The following PDZRN4 variants were observed in gnomAD, a reference collection of about 807,000 sequenced individuals.
PDZRN4 encodes PDZ domain-containing RING finger protein 4.
Under a neutral mutation model 99.0 loss-of-function variants are expected in PDZRN4, and 70 were observed. The ratio of observed to expected loss-of-function variants is 0.71; its 90% CI spans 0.58 to 0.86. PDZRN4 has a LOEUF of 0.86. Among genes scored for constraint, PDZRN4 ranks in the 40% least tolerant of loss-of-function variants. The probability of loss-of-function intolerance (pLI) is 0.00; values close to 1 mark genes in which losing one functional copy is unlikely to be tolerated. For synonymous variants in PDZRN4, 551 were observed against 501.6 expected, an observed-to-expected ratio of 1.10 and a Z score of -1.32; for missense variants, 1,474 against 1,331.2, an observed-to-expected ratio of 1.11 and a Z score of -1.67.
At chr12:41,353,328 C>T (rs934124835) in intron 3 of PDZRN4, among the ~76,000 whole-genome samples, 3 of 151,956 alleles carry the variant, frequency 2.0e-5, no homozygotes, top group Non-Finnish European at 2.9e-5. Flanking sequence ...TTCTGTTTTT[C>T]CTGTCATCTG....
intron 3 of PDZRN4, among the ~76,000 whole-genome samples, chr12:41,263,185 AC>A (rs1265310828): frequency 6.6e-6 from 1 of 152,084 alleles, no homozygotes; most frequent in African/African-American, 2.4e-5. Flanking sequence ...TCATGCTGAT[AC>A]CTTTTTTTGG....
chr12:41,292,493 G>A (rs190378558), intron 3 of PDZRN4, among the ~76,000 whole-genome samples: 431 of 152,220 alleles, frequency 2.8e-3, no homozygotes, highest in Non-Finnish European at 3.9e-3. Context: ...TACCATTTGA[G>A]GTTTTTTCTT....
At chr12:41,201,710 C>T (rs553409161) in intron 3 of PDZRN4, among the ~76,000 whole-genome samples, 28 of 152,128 alleles carry the variant, frequency 1.8e-4, no homozygotes, top group African/African-American at 6.5e-4. Context: ...CTGTAACATC[C>T]GATTCCTTCT....
At chr12:41,267,554 G>C (rs923004750) in intron 3 of PDZRN4, among the ~76,000 whole-genome samples, 2 of 152,078 alleles carry the variant, frequency 1.3e-5, no homozygotes, top group African/African-American at 4.8e-5. Flanking sequence ...AAAGGGCCAG[G>C]TGCAGTGGAT....
intron 7 of PDZRN4, among the ~76,000 whole-genome samples, chr12:41,561,557 G>T (rs1008802220): frequency 7.0e-6 from 1 of 142,408 alleles, no homozygotes; most frequent in African/African-American, 2.7e-5. Context: ...GAAGAATGAG[G>T]AAATATATAT....
chr12:41,519,790 A>G (rs1324514945), intron 5 of PDZRN4, among the ~76,000 whole-genome samples: 1 of 152,040 alleles, frequency 6.6e-6, no homozygotes, highest in Non-Finnish European at 1.5e-5. Context: ...GTTTCCCCAC[A>G]CCCACTTTCA....
intron 3 of PDZRN4, among the ~76,000 whole-genome samples, chr12:41,256,626 C>T (rs1362517252): frequency 1.3e-5 from 2 of 152,168 alleles, no homozygotes; most frequent in Non-Finnish European, 1.5e-5. Flanking sequence ...ACAAGATACT[C>T]ACTTTATATA....
At chr12:41,484,593 G>A (rs1020433729) in intron 3 of PDZRN4, among the ~76,000 whole-genome samples, 21 of 152,128 alleles carry the variant, frequency 1.4e-4, no homozygotes, top group South Asian at 4.1e-4. Context: ...TGAATAGTAC[G>A]TGCTTTATTA....
At chr12:41,560,179 A>T (rs1214768070) in intron 7 of PDZRN4, among the ~76,000 whole-genome samples, 1 of 152,122 alleles carries the variant, frequency 6.6e-6, no homozygotes, top group Non-Finnish European at 1.5e-5. Context: ...CTCCATACTA[A>T]AATATAAACA....
intron 3 of PDZRN4, among the ~76,000 whole-genome samples, chr12:41,248,378 A>G (rs2120802278): frequency 6.6e-6 from 1 of 152,324 alleles, no homozygotes. Flanking sequence ...GGTTTTACGA[A>G]TTACACATGA....
chr12:41,325,446 T>C (rs73124806), intron 3 of PDZRN4, among the ~76,000 whole-genome samples: 41 of 152,270 alleles, frequency 2.7e-4, no homozygotes, highest in Non-Finnish European at 4.4e-4. Context: ...AGTATAATAA[T>C]CAATTTTAAA....
intron 3 of PDZRN4, among the ~76,000 whole-genome samples, chr12:41,222,430 A>G (rs1306318047): frequency 6.6e-6 from 1 of 152,176 alleles, no homozygotes; most frequent in Non-Finnish European, 1.5e-5. Flanking sequence ...CACAGAAATG[A>G]GAAAACTCAT....
Position 41,542,899 on chromosome 12 carries a change from C to T in PDZRN4, c.1204-9757C>T, listed in dbSNP as rs1185269199. Reference sequence around the variant, plus strand: ...TTGCTTGGGTTAAATACCAGAAAATCAAGTTCTTGCTTTCTCTCAATCATC... The same window carrying T: ...TTGCTTGGGTTAAATACCAGAAAATTAAGTTCTTGCTTTCTCTCAATCATC... On this transcript the variant is annotated intron_variant, in intron 5 of 9. Coordinates refer to ENST00000402685, the MANE Select transcript of PDZRN4 (RefSeq NM_001164595.2). 1.3e-5 allele frequency among the ~76,000 whole-genome samples: 2 copies of T among 151,936 alleles called. 1 individual carries two copies. Among genetic ancestry groups the T allele is most frequent in the Non-Finnish European group, 2.9e-5 (2 of 67,990 alleles).
At chr12:41,431,303 A>T (rs529683764) in intron 3 of PDZRN4, among the ~76,000 whole-genome samples, 14 of 152,338 alleles carry the variant, frequency 9.2e-5, no homozygotes, top group African/African-American at 3.4e-4. Flanking sequence ...CTCTTGCAAT[A>T]ATTGTATAGT....
At chr12:41,252,114 T>TTAAATAAATAAA (rs111411007) in intron 3 of PDZRN4, among the ~76,000 whole-genome samples, 6 of 149,198 alleles carry the variant, frequency 4.0e-5, no homozygotes, top group South Asian at 2.1e-4. Flanking sequence ...AGACCCTGTT[T>TTAAATAAATAAA]TAAATAAATA....
At chr12:41,368,523 C>T (rs1952018453) in intron 3 of PDZRN4, among the ~76,000 whole-genome samples, 1 of 152,036 alleles carries the variant, frequency 6.6e-6, no homozygotes. Flanking sequence ...CATACACACA[C>T]ACTTCAAACA....
chr12:41,299,549 A>G (rs540324204), intron 3 of PDZRN4, among the ~76,000 whole-genome samples: 1 of 152,186 alleles, frequency 6.6e-6, no homozygotes, highest in African/African-American at 2.4e-5. Flanking sequence ...TGACACCCTT[A>G]TAATATTTAT....
At chr12:41,334,640 C>T (rs1192161057) in intron 3 of PDZRN4, among the ~76,000 whole-genome samples, 1 of 152,144 alleles carries the variant, frequency 6.6e-6, no homozygotes, top group African/African-American at 2.4e-5. Context: ...TTCTGTCACT[C>T]ACAGTGGGGA....
intron 3 of PDZRN4, among the ~76,000 whole-genome samples, chr12:41,466,512 C>T (rs539317509): frequency 2.0e-4 from 30 of 152,276 alleles, no homozygotes; most frequent in Non-Finnish European, 3.5e-4. Flanking sequence ...CTGCCTCTGT[C>T]GGAGACGTTA....
Sources: gnomAD v4.1 joint callset for allele counts (sites outside exome capture counted in the v4.1 genomes callset) on GRCh38, gnomAD v4.1.1 for gene constraint, MANE v1.5 for transcripts, NCBI Gene and HGNC (gene_info 2026-07-23, HGNC 2026-07-21) for gene names.